OIP5: variants seen among roughly 807,000 people sequenced by gnomAD.
The protein encoded by OIP5 is Opa interacting protein 5, also known as protein Mis18-beta.
Under a neutral mutation model 20.3 loss-of-function variants are expected in OIP5, and 24 were observed. That is an observed-to-expected ratio of 1.18 (90% CI 0.86 to 1.66). OIP5 has a LOEUF of 1.66. Among genes scored for constraint, OIP5 ranks in the 40% most tolerant of loss-of-function variants. The probability of loss-of-function intolerance (pLI) is 0.00; values close to 1 mark genes in which losing one functional copy is unlikely to be tolerated. For synonymous variants in OIP5, 143 were observed against 121.3 expected (o/e 1.18, Z -1.17); for missense variants, 339 against 289.5 (o/e 1.17, Z -1.24).
At chr15:41,323,671 A>G (rs983942333) in intron 2 of OIP5, among the ~76,000 whole-genome samples, 9 of 151,768 alleles carry the variant, frequency 5.9e-5, no homozygotes, top group African/African-American at 1.9e-4. Context: ...GGTTCTTGCT[A>G]TGTTGCCCAG....
In OIP5 at chr15:41,319,693, T is replaced by C; in HGVS notation, c.477A>G (p.Arg159=). 1 of 1,613,822 alleles carries C rather than the reference T, an allele frequency of 6.2e-7. No homozygotes were observed. The highest frequency in any genetic ancestry group is 8.5e-7 in the Non-Finnish European group (1 of 1,179,838). The change falls in exon 3 of 5, where the codon AGA becomes AGG. Residue 159 remains arginine (R), a synonymous_variant. Coordinates refer to ENST00000220514, the MANE Select transcript of OIP5 (RefSeq NM_007280.2). ...YSTHAALAAL[R]GHFCLSSDKM... Reference sequence around the variant, plus strand: ...TGTCACTGGAAAGGCAGAAGTGACCTCTCAAGGCAGCCAGGGCAGCATGGG... The same window carrying C: ...TGTCACTGGAAAGGCAGAAGTGACCCCTCAAGGCAGCCAGGGCAGCATGGG...
intron 2 of OIP5, among the ~76,000 whole-genome samples, chr15:41,320,325 C>T (rs1017547254): frequency 6.6e-6 from 1 of 151,674 alleles, no homozygotes; most frequent in African/African-American, 2.4e-5. Context: ...CCTCTGATGC[C>T]AAGCCAAAGC....
At chr15:41,322,608 A>C (rs866939265) in intron 2 of OIP5, among the ~76,000 whole-genome samples, 15 of 152,136 alleles carry the variant, frequency 9.9e-5, no homozygotes, top group Middle Eastern at 3.4e-3. Context: ...TTCCCAGGCT[A>C]GGAGAATTCT....
At chr15:41,310,876 T>C (rs2047749703) in intron 4 of OIP5, among the ~76,000 whole-genome samples, 1 of 152,226 alleles carries the variant, frequency 6.6e-6, no homozygotes, top group African/African-American at 2.4e-5. Flanking sequence ...GGTTATTAGG[T>C]TTAGAACAGA....
At chr15:41,323,394 C>CT (rs1209456691) in intron 2 of OIP5, among the ~76,000 whole-genome samples, 1 of 152,184 alleles carries the variant, frequency 6.6e-6, no homozygotes, top group Non-Finnish European at 1.5e-5. Flanking sequence ...AGAGGAATAA[C>CT]TATCTATAGT....
At position 41,312,086 on chromosome 15, in the gene OIP5, T is replaced by C. The variant is rs1015606185; in HGVS notation, c.594+1187A>G. Among the ~76,000 whole-genome samples the C allele has an allele frequency of 7.1e-5, 10 of 140,688 alleles. 2 individuals carry two copies. The highest frequency in any genetic ancestry group is 2.0e-4 in the African/African-American group (8 of 40,504). The allele number at this position is 140,688 out of a possible 152,430, so 92.3% of individuals were successfully genotyped here. On this transcript the variant is annotated intron_variant, in intron 4 of 4. Transcript: ENST00000220514. ...TCAGGCTGGTCTCAAACTCCCGACC[T>C]GAGGTGATCTGCCTGCCTCAGCCTC...
At chr15:41,319,239 CTT>C (rs567039095) in intron 3 of OIP5, among the ~76,000 whole-genome samples, 2 of 142,052 alleles carry the variant, frequency 1.4e-5, no homozygotes, top group Admixed American at 7.1e-5. Context: ...TGCCCAGCTA[CTT>C]TTTTTTTTTT....
intron 3 of OIP5, among the ~76,000 whole-genome samples, chr15:41,315,943 C>G (rs920157934): frequency 6.6e-6 from 1 of 152,098 alleles, no homozygotes; most frequent in African/African-American, 2.4e-5. Flanking sequence ...CTGGCTAACA[C>G]GGTAAAACCC....
At chr15:41,322,583 G>A (rs2047836956) in intron 2 of OIP5, among the ~76,000 whole-genome samples, 1 of 151,830 alleles carries the variant, frequency 6.6e-6, no homozygotes, top group African/African-American at 2.4e-5. Flanking sequence ...TGGCAGAAAT[G>A]GGGTCTTACT....
At chr15:41,322,662 T>C (rs960150790) in intron 2 of OIP5, among the ~76,000 whole-genome samples, 2 of 152,228 alleles carry the variant, frequency 1.3e-5, no homozygotes, top group African/African-American at 4.8e-5. Context: ...AGCCCGGGCA[T>C]GATGGCTCAC....
intron 3 of OIP5, among the ~76,000 whole-genome samples, chr15:41,316,102 C>A (rs746397921): frequency 2.0e-5 from 3 of 151,874 alleles, no homozygotes; most frequent in Non-Finnish European, 2.9e-5. Context: ...CACTCCAGCT[C>A]CAGCCTGGGC....
Position 41,332,383 on chromosome 15 carries a change from G to T in OIP5, c.179C>A (p.Pro60Gln). 6.2e-7 allele frequency: 1 copy of T among 1,612,720 alleles called. No individual in the cohort carries two copies. Among genetic ancestry groups the T allele is most frequent in the South Asian group, 1.1e-5 (1 of 90,996 alleles). Residue 60 changes from proline to glutamine, a missense_variant, in exon 1 of 5, where the codon CCA becomes CAA. Coordinates refer to ENST00000220514, the MANE Select transcript of OIP5 (RefSeq NM_007280.2). ...AGACGGCAGCTGCGGGCCGGCGGCTGGCTCCTCAGCCCCCAGCCCTGCGGG... is the reference window on the plus strand; with the variant it reads ...AGACGGCAGCTGCGGGCCGGCGGCTTGCTCCTCAGCCCCCAGCCCTGCGGG... Reference protein sequence around the residue: ...LGPAGLGAEEPAAGPQLPSWL... With the variant: ...LGPAGLGAEEQAAGPQLPSWL...
In OIP5 at chr15:41,331,998, G is replaced by A. The variant is rs915600544; in HGVS notation, c.323-17C>T. 1 of 1,612,644 alleles carries A rather than the reference G, an allele frequency of 6.2e-7. No individual in the cohort carries two copies. Among genetic ancestry groups the A allele is most frequent in the Non-Finnish European group, 8.5e-7 (1 of 1,178,778 alleles). ...TTGTAACTCCTAGGAAGACAAACAC[G>A]GGTCAGAACCCATACTCTGCGGGCC... On this transcript the variant is annotated splice_polypyrimidine_tract_variant and intron_variant, in intron 1 of 4. Coordinates refer to ENST00000220514, the MANE Select transcript of OIP5 (RefSeq NM_007280.2).
At chr15:41,326,856 T>TG (rs1330202102) in intron 2 of OIP5, among the ~76,000 whole-genome samples, 1 of 152,200 alleles carries the variant, frequency 6.6e-6, no homozygotes, top group Non-Finnish European at 1.5e-5. Context: ...ATCATTACAT[T>TG]GGATCATGGG....
At chr15:41,323,613 G>A (rs2047843379) in intron 2 of OIP5, among the ~76,000 whole-genome samples, 8 of 152,020 alleles carry the variant, frequency 5.3e-5, no homozygotes, top group Admixed American at 5.3e-4. Context: ...TGGGACCACA[G>A]GTACACACTA....
At chr15:41,321,717 T>C (rs2047830383) in intron 2 of OIP5, among the ~76,000 whole-genome samples, 1 of 151,700 alleles carries the variant, frequency 6.6e-6, no homozygotes, top group Non-Finnish European at 1.5e-5. Flanking sequence ...AACAGATGCT[T>C]GAAGGCAGCA....
intron 2 of OIP5, among the ~76,000 whole-genome samples, chr15:41,326,930 T>C (rs1017879782): frequency 6.6e-6 from 1 of 152,188 alleles, no homozygotes; most frequent in Admixed American, 6.5e-5. Context: ...TGTTTCTCCA[T>C]ATCCTTATCA....
At chr15:41,319,543 T>G (rs2047809858) in intron 3 of OIP5, 115 bp downstream of exon 3, 2 of 1,077,886 alleles carry the variant, frequency 1.9e-6, no homozygotes, top group Non-Finnish European at 2.6e-6. Flanking sequence ...CATAAGCCAC[T>G]GTGCTCAGCC....
At chr15:41,313,676 G>A (rs1189563243) in intron 3 of OIP5, among the ~76,000 whole-genome samples, 1 of 151,986 alleles carries the variant, frequency 6.6e-6, no homozygotes, top group East Asian at 1.9e-4. Context: ...AATGTACATA[G>A]CATTTACATT....
Sources: gnomAD v4.1 joint callset for allele counts (sites outside exome capture counted in the v4.1 genomes callset) on GRCh38, gnomAD v4.1.1 for gene constraint, MANE v1.5 for transcripts, NCBI Gene and HGNC (gene_info 2026-07-23, HGNC 2026-07-21) for gene names.